SNAP91: variants seen among roughly 807,000 people sequenced by gnomAD.
SNAP91 encodes synaptosome associated protein 91.
In SNAP91, 27 loss-of-function variants were observed where a neutral mutation model predicts 100.3. That is an observed-to-expected ratio of 0.27 (90% CI 0.20 to 0.37). SNAP91 has a LOEUF of 0.37. Among genes scored for constraint, SNAP91 ranks in the 10% least tolerant of loss-of-function variants. The pLI is 1.00. For synonymous variants in SNAP91, 404 were observed against 398.6 expected, an observed-to-expected ratio of 1.01 and a Z score of -0.16; for missense variants, 986 against 1,123.7, an observed-to-expected ratio of 0.88 and a Z score of 1.75.
At chr6:83,642,533 C>G (rs1429186502) in intron 7 of SNAP91, among the ~76,000 whole-genome samples, 2 of 152,156 alleles carry the variant, frequency 1.3e-5, no homozygotes, top group South Asian at 2.1e-4. Context: ...CATTTTTTAT[C>G]ACTGCATAGT....
At chr6:83,708,120 T>A in intron 1 of SNAP91, 163 bp from the exon 2 acceptor site, 1 of 603,334 alleles carries the variant, frequency 1.7e-6, no homozygotes, top group African/African-American at 1.9e-5. Flanking sequence ...GCTCCTGCGA[T>A]GCGGTCCAGG....
At chr6:83,653,665 T>A (rs924440898) in intron 7 of SNAP91, among the ~76,000 whole-genome samples, 1 of 152,150 alleles carries the variant, frequency 6.6e-6, no homozygotes, top group Non-Finnish European at 1.5e-5. Flanking sequence ...TAGTATGACT[T>A]GTAATTTTTT....
chr6:83,661,257 GA>G (rs1230613168), intron 5 of SNAP91, among the ~76,000 whole-genome samples: 1 of 152,070 alleles, frequency 6.6e-6, no homozygotes, highest in Non-Finnish European at 1.5e-5. Flanking sequence ...TTAGAGAGAA[GA>G]AAAAAATTTT....
At chr6:83,650,709 C>T (rs1026344689) in intron 7 of SNAP91, among the ~76,000 whole-genome samples, 5 of 152,168 alleles carry the variant, frequency 3.3e-5, no homozygotes, top group Admixed American at 6.5e-5. Flanking sequence ...TGAGCCATTG[C>T]GCCTGGCCAC....
intron 2 of SNAP91, among the ~76,000 whole-genome samples, chr6:83,707,449 G>A (rs1018891711): frequency 6.6e-5 from 10 of 151,642 alleles, no homozygotes; most frequent in African/African-American, 2.4e-4. Flanking sequence ...TTTGGAGAAG[G>A]GAGGGTGGGT....
At position 83,707,947 on chromosome 6, in the gene SNAP91, C is replaced by A. The variant is rs780024646; in HGVS notation, c.-20G>T. On this transcript the variant is annotated 5_prime_UTR_variant, in exon 2 of 30. Coordinates refer to ENST00000369694, the MANE Select transcript of SNAP91 (RefSeq NM_001242792.2). ...CGACATCTTCTGTGGTCGCGTCTAC[C>A]GCCTCCTCTTCTGCAGGAAACAAGG... 4.0e-5 allele frequency: 62 copies of A among 1,562,400 alleles called. No individual in the cohort carries two copies. Among genetic ancestry groups the A allele is most frequent in the Admixed American group, 1.0e-4 (5 of 49,070 alleles).
intron 4 of SNAP91, among the ~76,000 whole-genome samples, 196 bp downstream of exon 4, chr6:83,662,151 C>T (rs904155629): frequency 1.4e-4 from 22 of 152,016 alleles, no homozygotes; most frequent in South Asian, 1.0e-3. Context: ...GTGGTAAAAA[C>T]GCCCAAAATA....
chr6:83,673,680 G>C (rs543773531), intron 2 of SNAP91, among the ~76,000 whole-genome samples: 12 of 152,270 alleles, frequency 7.9e-5, no homozygotes, highest in Admixed American at 1.3e-4. Flanking sequence ...TTCTTCTTGG[G>C]TTCAGCACAA....
chr6:83,595,356 C>T (rs2094338117), intron 16 of SNAP91, among the ~76,000 whole-genome samples: 1 of 152,260 alleles, frequency 6.6e-6, no homozygotes, highest in African/African-American at 2.4e-5. Context: ...AATATTTTCA[C>T]ATTTTAAGAC....
intron 9 of SNAP91, among the ~76,000 whole-genome samples, chr6:83,621,481 A>G (rs1349773035): frequency 6.6e-6 from 1 of 152,148 alleles, no homozygotes; most frequent in African/African-American, 2.4e-5. Flanking sequence ...ACTTTCTTTG[A>G]GGGAGGAGTC....
intron 5 of SNAP91, 53 bp from the exon 6 acceptor site, chr6:83,659,145 A>T (rs1586115593): frequency 7.5e-7 from 1 of 1,330,706 alleles, no homozygotes; most frequent in East Asian, 2.5e-5. Flanking sequence ...GGACAATTCA[A>T]GACCATATGA....
chr6:83,648,443 G>T (rs2098053149), intron 7 of SNAP91, among the ~76,000 whole-genome samples: 1 of 151,578 alleles, frequency 6.6e-6, no homozygotes, highest in Admixed American at 6.6e-5. Flanking sequence ...ATGGATACTG[G>T]TTCTTATTTC....
At chr6:83,621,545 T>A (rs1284534843) in intron 9 of SNAP91, among the ~76,000 whole-genome samples, 2 of 152,150 alleles carry the variant, frequency 1.3e-5, no homozygotes, top group Non-Finnish European at 2.9e-5. Flanking sequence ...TAAAATATAA[T>A]GTTTCTGGGC....
At chr6:83,655,374 A>G (rs1286926588) in intron 7 of SNAP91, among the ~76,000 whole-genome samples, 1 of 152,204 alleles carries the variant, frequency 6.6e-6, no homozygotes, top group Non-Finnish European at 1.5e-5. Context: ...AGACTCTGCA[A>G]CTTCTCCAAA....
At position 83,658,869 on chromosome 6, in the gene SNAP91, G is replaced by A. The variant is rs1486723152; in HGVS notation, c.546+130C>T. 3 of 682,656 alleles carry A rather than the reference G, an allele frequency of 4.4e-6. No homozygotes were observed. In the African/African-American group the frequency reaches 5.4e-5, roughly 12 times the overall value. The allele number at this position is 682,656 out of a possible 1,614,324, so 42.3% of individuals were successfully genotyped here. A position where few individuals can be genotyped will look rare whatever the true frequency, so the allele number is the denominator to read the frequency against. ...TAATCTTTACCGAGCTTAACAGCCT[G>A]AACTAAGTATTCATCTAAATGAAGA... On this transcript the variant is annotated intron_variant, in intron 6 of 29. Coordinates refer to ENST00000369694, the MANE Select transcript of SNAP91 (RefSeq NM_001242792.2).
chr6:83,683,463 G>T (rs1490426937), intron 2 of SNAP91, among the ~76,000 whole-genome samples: 1 of 152,056 alleles, frequency 6.6e-6, no homozygotes, highest in Non-Finnish European at 1.5e-5. Context: ...AGATCTGATT[G>T]TTAAAAAGAG....
intron 14 of SNAP91, among the ~76,000 whole-genome samples, chr6:83,605,163 TA>T (rs11348867): frequency 0.8 from 121,337 of 152,006 alleles, 48,978 homozygotes; most frequent in African/African-American, 0.91. Flanking sequence ...TCAATCAGTT[TA>T]AAGTATGGAT....
At chr6:83,708,343 C>T (rs1210149633) in intron 1 of SNAP91, 1 of 166,540 alleles carries the variant, frequency 6.0e-6, no homozygotes, top group South Asian at 1.8e-4. Context: ...GCGCCGCACC[C>T]ACCGGTGCCC....
In SNAP91 at chr6:83,707,866, G is replaced by C; in HGVS notation, c.62C>G (p.Ala21Gly). 1 of 1,612,282 alleles carries C rather than the reference G, an allele frequency of 6.2e-7. No homozygotes were observed. ...AAAQYSVTGSAVARAVCKATT... is the reference protein window; with the variant it reads ...AAAQYSVTGSGVARAVCKATT... ...GGCTTTGCAGACCGCTCTTGCTACA[G>C]CAGAGCCTGTAACGCTGTACTGAGC... Residue 21 changes from alanine (A) to glycine (G), a missense_variant, in exon 2 of 30, where the codon GCT becomes GGT. Physicochemically the swap from Ala to Gly is moderately conservative, Grantham distance 60. This residue lies in a region of SNAP91 where 330 missense variants were observed against 447.5 expected (regional missense o/e 0.74). Transcript: ENST00000369694.
Sources: gnomAD v4.1 joint callset for allele counts (sites outside exome capture counted in the v4.1 genomes callset) on GRCh38, gnomAD v4.1.1 for gene constraint, gnomAD v4.1.1 regional missense constraint, MANE v1.5 for transcripts, NCBI Gene and HGNC (gene_info 2026-07-23, HGNC 2026-07-21) for gene names.